The following DUOX1 variants were observed in gnomAD, a reference collection of about 807,000 sequenced individuals.
The protein encoded by DUOX1 is dual oxidase 1.
DUOX1 carries 134 observed loss-of-function variants against 181.8 expected under a neutral mutation model. That is an observed-to-expected ratio of 0.74 (90% CI 0.64 to 0.85). The LOEUF (loss-of-function observed/expected upper bound fraction) is 0.85, where lower values mean the gene tolerates loss of function less well. Ranked by LOEUF, DUOX1 falls within the 40% of genes least tolerant of loss-of-function variation. The pLI is 0.00. For missense variants in DUOX1, 1,814 were observed against 2,064.4 expected (o/e 0.88, Z 2.35); for synonymous variants, 798 against 832.5 (o/e 0.96, Z 0.71).
At position 45,155,853 on chromosome 15, in the gene DUOX1, C is replaced by T. The variant is rs754148417; in HGVS notation, c.3626C>T (p.Ala1209Val). The change falls in exon 28 of 34, where the codon GCC becomes GTC. Residue 1209 changes from alanine to valine, a missense_variant. Coordinates refer to ENST00000389037, the MANE Select transcript of DUOX1 (RefSeq NM_175940.3). ...ATCCTGGCCATCATGTATGTCTTTG[C>T]CTCCCACCACTTCCGCCGCCGCAGT... ...LLILAIMYVF[A>V]SHHFRRRSFR... The T allele has an allele frequency of 6.2e-7, 1 of 1,614,086 alleles. No individual in the cohort carries two copies. The highest frequency in any genetic ancestry group is 8.5e-7 in the Non-Finnish European group (1 of 1,180,036).
chr15:45,133,784 C>T lies in DUOX1; in HGVS notation c.59-80C>T. ...TCTGCTGCTCCAAGTGCCAGGCTCACAGCACCCATATCCGGCAGGCCTGCC... is the reference window on the plus strand; with the variant it reads ...TCTGCTGCTCCAAGTGCCAGGCTCATAGCACCCATATCCGGCAGGCCTGCC... On this transcript the variant is annotated intron_variant, in intron 2 of 33. Coordinates refer to ENST00000389037, the MANE Select transcript of DUOX1 (RefSeq NM_175940.3). 4 of 1,234,948 alleles carry T rather than the reference C, an allele frequency of 3.2e-6. No individual in the cohort carries two copies. In the South Asian group the frequency reaches 5.3e-5, roughly 16 times the overall value. The allele number at this position is 1,234,948 out of a possible 1,614,324, so 76.5% of individuals were successfully genotyped here. A position where few individuals can be genotyped will look rare whatever the true frequency, so the allele number is the denominator to read the frequency against.
chr15:45,145,101 C>T (rs750424857), intron 18 of DUOX1, 21 bp downstream of exon 18: 1 of 1,567,932 alleles, frequency 6.4e-7, no homozygotes, highest in Non-Finnish European at 8.6e-7. Context: ...GGGACCAGAT[C>T]AATCCTTATG....
At chr15:45,150,045 A>G (rs1362954702) in intron 21 of DUOX1, among the ~76,000 whole-genome samples, 1 of 152,216 alleles carries the variant, frequency 6.6e-6, no homozygotes, top group African/African-American at 2.4e-5. Context: ...TTGGTTCAGC[A>G]CTTGGAAGAA....
At chr15:45,150,514 T>G in intron 21 of DUOX1, 118 bp from the exon 22 acceptor site, 1 of 927,072 alleles carries the variant, frequency 1.1e-6, no homozygotes, top group Non-Finnish European at 1.7e-6. Context: ...AGGGCCTCCA[T>G]TGGTCTGGGA....
intron 9 of DUOX1, among the ~76,000 whole-genome samples, chr15:45,137,105 TG>T (rs1896339384): frequency 6.6e-6 from 1 of 150,500 alleles, no homozygotes; most frequent in African/African-American, 2.5e-5. Context: ...CCCAGCACTT[TG>T]GGAGGCAGAG....
At chr15:45,144,569 T>G (rs569402914) in intron 17 of DUOX1, among the ~76,000 whole-genome samples, 26 of 152,324 alleles carry the variant, frequency 1.7e-4, no homozygotes, top group African/African-American at 6.0e-4. Flanking sequence ...TCTCAGGATG[T>G]AGTGAATTTT....
At position 45,151,985 on chromosome 15, in the gene DUOX1, G is replaced by C. The variant is rs967432366; in HGVS notation, c.3126G>C (p.Arg1042=). Residue 1042 remains arginine, a synonymous_variant, in exon 24 of 34, where the codon CGG becomes CGC. Coordinates refer to ENST00000389037, the MANE Select transcript of DUOX1 (RefSeq NM_175940.3). ...TCAAGCGCTTCATTGAGAACTACCG[G>C]CGCCACATCGGCTGCGTGGCCGTGT... The part of the protein sequence containing the change: ...QQFKRFIENY[R]RHIGCVAVFY... 3.1e-6 allele frequency: 5 copies of C among 1,613,986 alleles called. No homozygotes were observed. The highest frequency in any genetic ancestry group is 1.3e-5 in the African/African-American group (1 of 74,918).
chr15:45,132,298 C>T (rs951929134), intron 2 of DUOX1, among the ~76,000 whole-genome samples: 1 of 152,180 alleles, frequency 6.6e-6, no homozygotes, highest in East Asian at 1.9e-4. Flanking sequence ...CTTTCTCTCT[C>T]CTCTCTCTTC....
intron 31 of DUOX1, 38 bp downstream of exon 31, chr15:45,162,415 C>G (rs760090381): frequency 6.3e-7 from 1 of 1,597,850 alleles, no homozygotes; most frequent in African/African-American, 1.3e-5. Context: ...CCCATGGCCC[C>G]TTCTTCCTTG....
chr15:45,153,329 GCAC>G (rs1896865914), intron 25 of DUOX1, 48 bp from the exon 26 acceptor site: 3 of 1,492,102 alleles, frequency 2.0e-6, no homozygotes, highest in Middle Eastern at 3.5e-4. Context: ...GAATGAGTGA[GCAC>G]CCACCCTGGG....
chr15:45,133,803 G>A (rs778650959), intron 2 of DUOX1, 61 bp from the exon 3 acceptor site: 3 of 1,462,468 alleles, frequency 2.1e-6, no homozygotes, highest in Non-Finnish European at 2.8e-6. Context: ...TATCCGGCAG[G>A]CCTGCCTGTC....
chr15:45,133,800 C>A, intron 2 of DUOX1, 64 bp from the exon 3 acceptor site: 1 of 1,427,184 alleles, frequency 7.0e-7, no homozygotes, highest in South Asian at 1.2e-5. Flanking sequence ...CCATATCCGG[C>A]AGGCCTGCCT....
intron 5 of DUOX1, 22 bp downstream of exon 5, chr15:45,135,313 G>T (rs1896271037): frequency 1.3e-6 from 2 of 1,577,534 alleles, no homozygotes; most frequent in Non-Finnish European, 1.7e-6. Context: ...AAGGCGGCGG[G>T]AAGGGACCGC....
chr15:45,138,086 G>GTT, intron 10 of DUOX1, 72 bp downstream of exon 10: 1 of 952,834 alleles, frequency 1.0e-6, no homozygotes, highest in Non-Finnish European at 1.5e-6. Context: ...GTATGTGTGT[G>GTT]TGTGTGTGTG....
chr15:45,157,697 T>C (rs1255530896), intron 28 of DUOX1, among the ~76,000 whole-genome samples: 2 of 151,750 alleles, frequency 1.3e-5, no homozygotes, highest in African/African-American at 2.4e-5. Context: ...CGCACACCTA[T>C]AGTCCTAGCT....
At position 45,139,071 on chromosome 15, in the gene DUOX1, A is replaced by G. The variant is rs1242842651; in HGVS notation, c.1119A>G (p.Pro373=). Reference sequence around the variant, plus strand: ...CCCACCCCCAACCTATAAAGCACCCAAGCCTACAAAGTGCTGAAGATGTGG... The same window carrying G: ...CCCACCCCCAACCTATAAAGCACCCGAGCCTACAAAGTGCTGAAGATGTGG... ...VCNSYWSREH[P]SLQSAEDVDA... is the part of the protein sequence containing the mutation. Residue 373 remains proline, a synonymous_variant, in exon 11 of 34, where the codon CCA becomes CCG. Transcript: ENST00000389037. The G allele has an allele frequency of 6.2e-7, 1 of 1,613,750 alleles. No individual in the cohort carries two copies. The highest frequency in any genetic ancestry group is 2.2e-5 in the East Asian group (1 of 44,866).
At chr15:45,160,483 A>G (rs1055619241) in intron 28 of DUOX1, among the ~76,000 whole-genome samples, 8 of 152,144 alleles carry the variant, frequency 5.3e-5, no homozygotes, top group African/African-American at 1.9e-4. Context: ...AACAGGATAA[A>G]ATGAACTTTA....
At chr15:45,139,635 A>G in intron 12 of DUOX1, 36 bp downstream of exon 12, 4 of 829,018 alleles carry the variant, frequency 4.8e-6, no homozygotes, top group Non-Finnish European at 7.4e-6. Flanking sequence ...GTAGGGCGGG[A>G]GGGACAAGGC....
At position 45,153,705 on chromosome 15, in the gene DUOX1, G is replaced by A. The variant is rs1019852621; in HGVS notation, c.3524+226G>A. On this transcript the variant is annotated intron_variant, in intron 26 of 33. Transcript: ENST00000389037. ...TGAGTTGGGGTGCCTCCCCTGAAGG[G>A]TCCCATCTGGAATTCCCAAAGATCT... 7 of 643,742 alleles carry A rather than the reference G, an allele frequency of 1.1e-5. No homozygotes were observed. In the African/African-American group the frequency reaches 1.3e-4, roughly 12 times the overall value. 39.9% of individuals were successfully genotyped at this position (643,742 alleles called of 1,614,324 possible). A position where few individuals can be genotyped will look rare whatever the true frequency, so the allele number is the denominator to read the frequency against.
Sources: gnomAD v4.1 joint callset for allele counts (sites outside exome capture counted in the v4.1 genomes callset) on GRCh38, gnomAD v4.1.1 for gene constraint, MANE v1.5 for transcripts, NCBI Gene and HGNC (gene_info 2026-07-23, HGNC 2026-07-21) for gene names.